The following CSNK1G1 variants were observed in gnomAD, a reference collection of about 807,000 sequenced individuals.
CSNK1G1 encodes casein kinase I isoform gamma-1.
CSNK1G1 carries 22 observed loss-of-function variants against 59.6 expected under a neutral mutation model. The observed-to-expected ratio is 0.37, with a 90% CI of 0.26 to 0.53. The LOEUF is 0.53. CSNK1G1 is among the 20% of genes least tolerant of loss of function. The pLI is 0.89. For synonymous variants in CSNK1G1, 179 were observed against 177.1 expected, an observed-to-expected ratio of 1.01 and a Z score of -0.08; for missense variants, 384 against 519.5, an observed-to-expected ratio of 0.74 and a Z score of 2.54.
intron 2 of CSNK1G1, among the ~76,000 whole-genome samples, chr15:64,293,581 C>T (rs578152045): frequency 2.6e-5 from 4 of 152,276 alleles, no homozygotes; most frequent in Admixed American, 6.5e-5. Context: ...ACAAAAAGTA[C>T]GCTTCCAGGA....
At chr15:64,190,977 T>C (rs1261966392) in intron 10 of CSNK1G1, among the ~76,000 whole-genome samples, 2 of 152,178 alleles carry the variant, frequency 1.3e-5, no homozygotes, top group Non-Finnish European at 2.9e-5. Flanking sequence ...CAGACAATGG[T>C]AAGCCATTTA....
At chr15:64,314,724 G>T (rs567166851) in intron 1 of CSNK1G1, among the ~76,000 whole-genome samples, 2 of 152,054 alleles carry the variant, frequency 1.3e-5, no homozygotes, top group East Asian at 3.8e-4. Context: ...AAGAACACGC[G>T]GTGTTTGTTT....
intron 2 of CSNK1G1, among the ~76,000 whole-genome samples, chr15:64,285,323 A>T (rs563900938): frequency 3.9e-5 from 6 of 152,168 alleles, no homozygotes; most frequent in African/African-American, 1.4e-4. Context: ...ACCTGAACAA[A>T]GTCTTTGTTC....
Position 64,197,666 on chromosome 15 carries a change from C to T in CSNK1G1, c.1107+5416G>A, listed in dbSNP as rs377078398. Among the ~76,000 whole-genome samples, 60 of 152,268 alleles carry T rather than the reference C, an allele frequency of 3.9e-4. No homozygotes were observed. In the East Asian group the frequency reaches 7.7e-3, roughly 20 times the overall value. ...CTCTACATCTCAAGGGAATTCACTG[C>T]CTGCTTAATGATTTCCATGTTTGCT... On this transcript the variant is annotated intron_variant, in intron 10 of 11. Transcript: ENST00000303052.
chr15:64,199,250 CAAAAAA>C (rs56819260), intron 10 of CSNK1G1, among the ~76,000 whole-genome samples: 8 of 52,340 alleles, frequency 1.5e-4, no homozygotes, highest in East Asian at 6.4e-4. Flanking sequence ...AATCTTTTCT[CAAAAAA>C]AAAAAAAAAA....
chr15:64,181,506 A>G (rs777801807), intron 10 of CSNK1G1: 129 of 1,322,230 alleles, frequency 9.8e-5, no homozygotes, highest in Non-Finnish European at 1.2e-4. Context: ...ACTTCCATCT[A>G]TTTGAGATTG....
At chr15:64,264,393 A>G (rs1380406318) in intron 2 of CSNK1G1, among the ~76,000 whole-genome samples, 1 of 152,222 alleles carries the variant, frequency 6.6e-6, no homozygotes, top group Non-Finnish European at 1.5e-5. Context: ...AGACTCCCCC[A>G]GCAAAGAAAA....
intron 4 of CSNK1G1, among the ~76,000 whole-genome samples, chr15:64,235,153 GTGTTT>G (rs1247533967): frequency 7.2e-5 from 11 of 152,128 alleles, no homozygotes; most frequent in African/African-American, 2.7e-4. Context: ...AATTATCCAA[GTGTTT>G]TGTTCTAATC....
chr15:64,336,290 A>G (rs1030199399), intron 1 of CSNK1G1, among the ~76,000 whole-genome samples: 27 of 152,322 alleles, frequency 1.8e-4, no homozygotes, highest in Middle Eastern at 3.4e-3. Context: ...TATTCACAAG[A>G]AAATTACAAA....
chr15:64,292,598 A>G (rs774552624), intron 2 of CSNK1G1, among the ~76,000 whole-genome samples: 1 of 152,214 alleles, frequency 6.6e-6, no homozygotes, highest in Non-Finnish European at 1.5e-5. Flanking sequence ...CAGGTCTCCC[A>G]TAAACATACG....
chr15:64,331,034 AACAAATG>A (rs1897090428), intron 1 of CSNK1G1, among the ~76,000 whole-genome samples: 2 of 131,956 alleles, frequency 1.5e-5, no homozygotes, highest in South Asian at 5.5e-4. Flanking sequence ...AGAGGATACA[AACAAATG>A]GAAGAACATT....
chr15:64,349,191 A>G (rs74019240), intron 1 of CSNK1G1, among the ~76,000 whole-genome samples: 3,084 of 151,994 alleles, frequency 0.02, 118 homozygotes, highest in African/African-American at 0.071. Context: ...ACTTTCATTC[A>G]GGAAGTCGTA....
chr15:64,317,827 C>A (rs764353308), intron 1 of CSNK1G1, among the ~76,000 whole-genome samples: 2 of 152,148 alleles, frequency 1.3e-5, no homozygotes, highest in Non-Finnish European at 1.5e-5. Context: ...AATTTTTCAA[C>A]TGGGAGATTT....
chr15:64,243,773 G>A (rs1891601917), intron 4 of CSNK1G1, among the ~76,000 whole-genome samples: 1 of 152,192 alleles, frequency 6.6e-6, no homozygotes, highest in Admixed American at 6.5e-5. Flanking sequence ...AGGAGGCTGA[G>A]GCAGGAGGAT....
intron 2 of CSNK1G1, among the ~76,000 whole-genome samples, chr15:64,298,141 C>CT (rs1316107733): frequency 2.0e-5 from 3 of 152,166 alleles, no homozygotes; most frequent in Non-Finnish European, 4.4e-5. Flanking sequence ...TATATATGGG[C>CT]TATAAATGTA....
chr15:64,233,693 G>A (rs1230322129), intron 4 of CSNK1G1, among the ~76,000 whole-genome samples: 1 of 152,120 alleles, frequency 6.6e-6, no homozygotes, highest in Non-Finnish European at 1.5e-5. Flanking sequence ...GAAATATCAG[G>A]ATTTTGTTTT....
chr15:64,313,890 A>G (rs1412996895), intron 1 of CSNK1G1, among the ~76,000 whole-genome samples: 1 of 151,834 alleles, frequency 6.6e-6, no homozygotes, highest in African/African-American at 2.4e-5. Flanking sequence ...AAATTAATAA[A>G]TAACTATTCA....
chr15:64,317,528 CTCT>C (rs1462272186), intron 1 of CSNK1G1, among the ~76,000 whole-genome samples: 3 of 55,264 alleles, frequency 5.4e-5, no homozygotes, highest in African/African-American at 8.1e-5. Context: ...GATAAGGTTT[CTCT>C]TTTTTTTTTT....
chr15:64,342,356 T>C (rs1045582062), intron 1 of CSNK1G1, among the ~76,000 whole-genome samples: 3 of 152,242 alleles, frequency 2.0e-5, no homozygotes, highest in African/African-American at 7.2e-5. Context: ...CCACTTGTTA[T>C]GTAAACTCTC....
Sources: gnomAD v4.1 joint callset for allele counts (sites outside exome capture counted in the v4.1 genomes callset) on GRCh38, gnomAD v4.1.1 for gene constraint, MANE v1.5 for transcripts, NCBI Gene and HGNC (gene_info 2026-07-23, HGNC 2026-07-21) for gene names.